The following UGT2B4 variants were observed in gnomAD, a reference collection of about 807,000 sequenced individuals.
UGT2B4 encodes the protein UDP-glucuronosyltransferase 2B4.
In UGT2B4, 49 loss-of-function variants were observed where a neutral mutation model predicts 49.8. The ratio of observed to expected loss-of-function variants is 0.98; its 90% CI spans 0.78 to 1.25. The LOEUF is 1.25. Among genes scored for constraint, UGT2B4 ranks in the 50% most tolerant of loss-of-function variants. UGT2B4 has a pLI of 0.00. For synonymous variants in UGT2B4, 246 were observed against 217.7 expected (o/e 1.13, Z -1.14); for missense variants, 729 against 627.7 (o/e 1.16, Z -1.73).
chr4:69,516,771 C>A (rs528428902), intron 1 of UGT2B4, among the ~76,000 whole-genome samples: 2 of 152,006 alleles, frequency 1.3e-5, no homozygotes, highest in East Asian at 1.9e-4. Flanking sequence ...CCACGCCTGG[C>A]TAATTTTTGT....
chr4:69,499,820 G>T (rs532661328), upstream of UGT2B4, among the ~76,000 whole-genome samples: 6 of 152,204 alleles, frequency 3.9e-5, no homozygotes, highest in African/African-American at 1.4e-4. Context: ...TATCCAGCTT[G>T]TCATTCAGTA....
At chr4:69,493,389 G>C (rs965734845) in intron 2 of UGT2B4, among the ~76,000 whole-genome samples, 1 of 152,102 alleles carries the variant, frequency 6.6e-6, no homozygotes, top group Non-Finnish European at 1.5e-5. Context: ...TACCTGTGGT[G>C]TGTGCTAATC....
intron 1 of UGT2B4, among the ~76,000 whole-genome samples, chr4:69,524,788 C>T (rs1034823917): frequency 2.0e-5 from 3 of 151,912 alleles, no homozygotes; most frequent in Non-Finnish European, 4.4e-5. Flanking sequence ...TATTATAATG[C>T]ATCATGTTTC....
At chr4:69,522,907 T>C (rs1728880626) in intron 1 of UGT2B4, among the ~76,000 whole-genome samples, 2 of 152,200 alleles carry the variant, frequency 1.3e-5, no homozygotes. Flanking sequence ...ATCTCAACAA[T>C]GTTCAGACCA....
intron 2 of UGT2B4, among the ~76,000 whole-genome samples, chr4:69,490,756 C>G (rs1260735848): frequency 6.6e-6 from 1 of 152,156 alleles, no homozygotes; most frequent in South Asian, 2.1e-4. Flanking sequence ...ATGTTAGAGT[C>G]ATTGTTCTGC....
chr4:69,494,377 T>C (rs1474376217), intron 1 of UGT2B4, among the ~76,000 whole-genome samples: 5 of 152,166 alleles, frequency 3.3e-5, no homozygotes, highest in African/African-American at 1.2e-4. Context: ...ATAATAATAT[T>C]AGTTTTTAGG....
chr4:69,523,973 T>G (rs958248326), intron 1 of UGT2B4, among the ~76,000 whole-genome samples: 1 of 152,108 alleles, frequency 6.6e-6, no homozygotes, highest in African/African-American at 2.4e-5. Flanking sequence ...GCTTCCAACT[T>G]TTTTTCTGCA....
chr4:69,511,363 A>C (rs1430147669), intron 1 of UGT2B4, among the ~76,000 whole-genome samples: 2 of 152,034 alleles, frequency 1.3e-5, no homozygotes, highest in African/African-American at 4.8e-5. Flanking sequence ...TTATTCATAA[A>C]CTATTGTTCA....
intron 5 of UGT2B4, among the ~76,000 whole-genome samples, chr4:69,483,658 T>C (rs1025380141): frequency 6.6e-6 from 1 of 152,178 alleles, no homozygotes; most frequent in African/African-American, 2.4e-5. Flanking sequence ...AAAGTACTTT[T>C]AAAGTATTCC....
intron 3 of UGT2B4, among the ~76,000 whole-genome samples, chr4:69,489,197 A>G (rs1391045090): frequency 6.6e-6 from 1 of 151,994 alleles, no homozygotes; most frequent in Non-Finnish European, 1.5e-5. Context: ...TTTACCTGCA[A>G]CTCTTAATTG....
intron 1 of UGT2B4, among the ~76,000 whole-genome samples, chr4:69,511,495 A>T (rs1031724532): frequency 6.6e-6 from 1 of 152,184 alleles, no homozygotes; most frequent in Non-Finnish European, 1.5e-5. Context: ...TTCTAGGGAT[A>T]AATTTCATTT....
upstream of UGT2B4, among the ~76,000 whole-genome samples, chr4:69,499,007 T>C (rs552297694): frequency 1.3e-5 from 2 of 152,300 alleles, no homozygotes; most frequent in South Asian, 2.1e-4. Context: ...TTTAGTCCTT[T>C]AAATTTCCCG....
chr4:69,502,071 TTTTC>T (rs1272248954), intron 1 of UGT2B4, among the ~76,000 whole-genome samples: 17 of 112,686 alleles, frequency 1.5e-4, no homozygotes, highest in African/African-American at 5.7e-4. Context: ...TCCTTCCTTC[TTTTC>T]TTTCTTTCTT....
At chr4:69,525,597 A>G (rs574304008) in intron 1 of UGT2B4, 3 of 708,622 alleles carry the variant, frequency 4.2e-6, no homozygotes, top group Admixed American at 5.0e-5. Flanking sequence ...GTTTCAAGAT[A>G]TGGGTTAGAC....
At chr4:69,507,328 C>T (rs75310036) in intron 1 of UGT2B4, among the ~76,000 whole-genome samples, 17 of 152,234 alleles carry the variant, frequency 1.1e-4, no homozygotes, top group African/African-American at 3.8e-4. Flanking sequence ...AAAACTCCAT[C>T]GTCTCGGGCC....
intron 1 of UGT2B4, among the ~76,000 whole-genome samples, chr4:69,524,244 G>A (rs904289868): frequency 1.3e-5 from 2 of 152,084 alleles, no homozygotes; most frequent in African/African-American, 4.8e-5. Context: ...GCCTATCTCA[G>A]CTTTCAACAT....
intron 2 of UGT2B4, among the ~76,000 whole-genome samples, chr4:69,490,481 C>T (rs1204720779): frequency 6.6e-6 from 1 of 152,078 alleles, no homozygotes; most frequent in Non-Finnish European, 1.5e-5. Context: ...TGGTCACCCT[C>T]TTGAGTAGAT....
In UGT2B4 at chr4:69,505,944, T is replaced by C. The variant is rs140132483; in HGVS notation, c.-105-9978A>G. Among the ~76,000 whole-genome samples, 419 of 151,802 alleles carry C rather than the reference T, an allele frequency of 2.8e-3. 3 individuals carry two copies. Among genetic ancestry groups the C allele is most frequent in the African/African-American group, 9.2e-3 (382 of 41,528 alleles). The stretch of plus-strand genomic sequence containing the variant: ...ACCATACAATTACATTGAACGACTT[T>C]TGGGCAAATAATGACTACTCCTGAA... On this transcript the variant is annotated intron_variant, in intron 1 of 1. Coordinates refer to the UGT2B4 transcript ENST00000510114.
In UGT2B4 at chr4:69,495,510, T is replaced by C; in HGVS notation, c.352A>G (p.Thr118Ala). Residue 118 changes from threonine (T) to alanine (A), a missense_variant, in exon 1 of 6, where the codon ACA (threonine) becomes GCA (alanine). Transcript: ENST00000305107. ...YFSQVQEIMW[T>A]FNDILRKFCK... ...AACTTTCTAAGTATGTCATTAAATG[T>C]CCACATGATTTCTTGTACTTGTGAA... 1.2e-6 allele frequency: 2 copies of C among 1,612,410 alleles called. No individual in the cohort carries two copies.
Sources: allele counts gnomAD v4.1 joint callset (sites outside exome capture counted in the v4.1 genomes callset), GRCh38; gene constraint gnomAD v4.1.1; transcripts MANE v1.5; gene names NCBI Gene and HGNC (gene_info 2026-07-23, HGNC 2026-07-21).